Variants in DYNC1I1 observed in about 807,000 individuals in gnomAD.
DYNC1I1 encodes the protein cytoplasmic dynein 1 intermediate chain 1.
A neutral mutation model predicts 86.6 loss-of-function variants in DYNC1I1; 43 were observed. That is an observed-to-expected ratio of 0.50 (90% CI 0.39 to 0.64). The LOEUF is 0.64. Among genes scored for constraint, DYNC1I1 ranks in the 30% least tolerant of loss-of-function variants. The pLI is 0.00. For synonymous variants in DYNC1I1, 262 were observed against 283.7 expected, an observed-to-expected ratio of 0.92 and a Z score of 0.77; for missense variants, 604 against 788.8, an observed-to-expected ratio of 0.77 and a Z score of 2.81.
intron 15 of DYNC1I1, 129 bp from the exon 16 acceptor site, chr7:96,080,234 A>C (rs1339544072): frequency 8.4e-7 from 1 of 1,186,786 alleles, no homozygotes; most frequent in Non-Finnish European, 1.1e-6. Flanking sequence ...CCCCCGGCAC[A>C]AGGGATGTGT....
At chr7:95,844,646 A>C (rs894310059) in intron 5 of DYNC1I1, among the ~76,000 whole-genome samples, 3 of 151,632 alleles carry the variant, frequency 2.0e-5, no homozygotes, top group African/African-American at 4.8e-5. Flanking sequence ...GTGCAATCGT[A>C]GGGGTGTGGA....
chr7:96,026,971 G>A (rs1353732330), intron 10 of DYNC1I1, among the ~76,000 whole-genome samples: 1 of 152,202 alleles, frequency 6.6e-6, no homozygotes, highest in Non-Finnish European at 1.5e-5. Context: ...GTTGTGCTCT[G>A]CACAAGAACA....
At chr7:96,030,812 A>G (rs1364854782) in intron 11 of DYNC1I1, among the ~76,000 whole-genome samples, 5 of 152,118 alleles carry the variant, frequency 3.3e-5, no homozygotes, top group Non-Finnish European at 7.3e-5. Context: ...TCCGGGCTTG[A>G]TAATACACTG....
intron 6 of DYNC1I1, among the ~76,000 whole-genome samples, chr7:95,934,395 A>AT (rs1791983844): frequency 6.6e-6 from 1 of 152,146 alleles, no homozygotes; most frequent in Non-Finnish European, 1.5e-5. Flanking sequence ...ATAAGTGGGA[A>AT]TTTTTTCTTA....
chr7:96,064,280 T>C (rs182472431), intron 14 of DYNC1I1, among the ~76,000 whole-genome samples: 341 of 151,966 alleles, frequency 2.2e-3, no homozygotes, highest in Non-Finnish European at 4.1e-3. Flanking sequence ...TTGAAATTTG[T>C]GTGTTTCAGG....
chr7:95,796,531 A>G (rs1260127862), intron 1 of DYNC1I1, among the ~76,000 whole-genome samples: 1 of 152,096 alleles, frequency 6.6e-6, no homozygotes, highest in Non-Finnish European at 1.5e-5. Context: ...TTTATGCTGT[A>G]TCTAGAAGTC....
intron 9 of DYNC1I1, 86 bp from the exon 10 acceptor site, chr7:95,995,862 A>G: frequency 6.6e-7 from 1 of 1,514,110 alleles, no homozygotes; most frequent in East Asian, 2.3e-5. Flanking sequence ...TACACTGTGT[A>G]GTATACCACG....
chr7:95,864,026 T>A (rs1297776078), intron 5 of DYNC1I1, among the ~76,000 whole-genome samples: 1 of 152,258 alleles, frequency 6.6e-6, no homozygotes, highest in Non-Finnish European at 1.5e-5. Flanking sequence ...GTAATGTACA[T>A]GTTTCTCATG....
chr7:96,073,003 G>C (rs750665223), intron 14 of DYNC1I1, among the ~76,000 whole-genome samples: 1 of 152,078 alleles, frequency 6.6e-6, no homozygotes, highest in Non-Finnish European at 1.5e-5. Flanking sequence ...AGTGACATTC[G>C]CCTGTGCCCA....
intron 10 of DYNC1I1, among the ~76,000 whole-genome samples, chr7:96,020,958 G>C (rs1794533675): frequency 6.6e-6 from 1 of 152,084 alleles, no homozygotes; most frequent in African/African-American, 2.4e-5. Flanking sequence ...TGTAGAGTCA[G>C]AAAGTAGAAT....
chr7:95,889,443 T>C (rs1221936370), intron 6 of DYNC1I1, among the ~76,000 whole-genome samples: 1 of 152,058 alleles, frequency 6.6e-6, no homozygotes, highest in Non-Finnish European at 1.5e-5. Flanking sequence ...TACACAAGAA[T>C]CAACTCAACA....
At chr7:95,871,196 T>A (rs1414812684) in intron 6 of DYNC1I1, among the ~76,000 whole-genome samples, 1 of 152,206 alleles carries the variant, frequency 6.6e-6, no homozygotes, top group Non-Finnish European at 1.5e-5. Context: ...CAAGCTGTTG[T>A]GGGGACAGTT....
At chr7:95,784,343 G>C (rs768714702) in intron 1 of DYNC1I1, among the ~76,000 whole-genome samples, 24 of 152,182 alleles carry the variant, frequency 1.6e-4, no homozygotes, top group Non-Finnish European at 2.8e-4. Flanking sequence ...CATTCTGCTT[G>C]TTTGATTCCA....
chr7:96,001,483 G>A (rs1005330432), intron 10 of DYNC1I1, among the ~76,000 whole-genome samples: 7 of 152,106 alleles, frequency 4.6e-5, no homozygotes, highest in Non-Finnish European at 8.8e-5. Flanking sequence ...TTGACTGGGC[G>A]GTTTATAAAC....
chr7:95,902,565 C>A (rs1791066344), intron 6 of DYNC1I1, among the ~76,000 whole-genome samples: 1 of 152,142 alleles, frequency 6.6e-6, no homozygotes, highest in Non-Finnish European at 1.5e-5. Flanking sequence ...CTGTGTTAAG[C>A]AATATGTTAT....
intron 6 of DYNC1I1, among the ~76,000 whole-genome samples, chr7:95,964,049 A>C (rs138941375): frequency 0.011 from 1,664 of 152,312 alleles, 37 homozygotes; most frequent in Admixed American, 0.036. Flanking sequence ...CGTTGAAACC[A>C]GGGGAAATAA....
intron 12 of DYNC1I1, 122 bp from the exon 13 acceptor site, chr7:96,035,496 CG>C: frequency 7.7e-7 from 1 of 1,297,924 alleles, no homozygotes; most frequent in Non-Finnish European, 1.0e-6. Flanking sequence ...CTGGCACAGC[CG>C]GGGTCTTTTG....
intron 1 of DYNC1I1, among the ~76,000 whole-genome samples, chr7:95,780,259 A>G (rs1355805176): frequency 6.6e-6 from 1 of 151,802 alleles, no homozygotes; most frequent in African/African-American, 2.4e-5. Context: ...CAATCACTTA[A>G]TCACTTCCCC....
At chr7:95,908,102 G>A (rs1791223435) in intron 6 of DYNC1I1, among the ~76,000 whole-genome samples, 1 of 152,102 alleles carries the variant, frequency 6.6e-6, no homozygotes. Context: ...TCTTATTTAA[G>A]GAAGAAGATC....
Sources: allele counts gnomAD v4.1 joint callset (sites outside exome capture counted in the v4.1 genomes callset), GRCh38; gene constraint gnomAD v4.1.1; transcripts MANE v1.5; gene names NCBI Gene and HGNC (gene_info 2026-07-23, HGNC 2026-07-21).